The following CLYBL variants were observed in gnomAD, a reference collection of about 807,000 sequenced individuals.
CLYBL encodes the protein citramalyl-CoA lyase, also known as citramalyl-CoA lyase, mitochondrial.
In CLYBL, 31 loss-of-function variants were observed where a neutral mutation model predicts 38.9. The observed-to-expected ratio is 0.80, with a 90% CI of 0.60 to 1.08. The LOEUF (loss-of-function observed/expected upper bound fraction) is 1.08. Among genes scored for constraint, CLYBL ranks in the 50% least tolerant of loss-of-function variants. CLYBL has a pLI of 0.00. For missense variants in CLYBL, 434 were observed against 411.6 expected (o/e 1.05, Z -0.47); for synonymous variants, 171 against 158.6 (o/e 1.08, Z -0.59).
At chr13:99,894,063 A>T (rs749899983), downstream of CLYBL, 4 of 152,298 alleles carry the variant, frequency 2.6e-5, no homozygotes, top group Non-Finnish European at 4.4e-5. Flanking sequence ...CTGAACAGAG[A>T]CCCAAACGAC....
chr13:99,660,896 G>A (rs1213945048), intron 1 of CLYBL, among the ~76,000 whole-genome samples: 6 of 151,924 alleles, frequency 3.9e-5, no homozygotes, highest in Non-Finnish European at 7.4e-5. Flanking sequence ...GAATGCTTCC[G>A]ATTTTTTCCA....
intron 1 of CLYBL, among the ~76,000 whole-genome samples, chr13:99,697,995 A>T (rs2048006082): frequency 1.3e-5 from 2 of 152,168 alleles, no homozygotes; most frequent in Non-Finnish European, 2.9e-5. Context: ...CTGGGCCAAC[A>T]GGTATATTTG....
Position 99,608,061 on chromosome 13 carries a change from CTTTTTTTTTTTT to C in CLYBL, c.62+1318_62+1329del, listed in dbSNP as rs56149363. ...TGGCCGGCCTGGTGGTCTGGAACTT[CTTTTTTTTTTTT>C]TTTTTTTTTTTTTCCGAGATGGAGT... On this transcript the variant is annotated intron_variant, in intron 1 of 8. Coordinates refer to ENST00000339105, the MANE Select transcript of CLYBL (RefSeq NM_206808.5). Among the ~76,000 whole-genome samples, 3 of 75,026 alleles carry C rather than the reference CTTTTTTTTTTTT, an allele frequency of 4.0e-5. No individual in the cohort carries two copies. The East Asian group carries it at 1.7e-3, about 42-fold the overall frequency. The allele number at this position is 75,026 out of a possible 152,430, so 49.2% of individuals were successfully genotyped here.
intron 1 of CLYBL, among the ~76,000 whole-genome samples, chr13:99,639,774 G>A (rs148311541): frequency 0.012 from 1,813 of 152,288 alleles, 43 homozygotes; most frequent in African/African-American, 0.041. Flanking sequence ...GCATGTGTCT[G>A]TAGTCCCAGC....
At chr13:99,818,394 AGAT>A (rs2050502693) in intron 2 of CLYBL, among the ~76,000 whole-genome samples, 1 of 151,864 alleles carries the variant, frequency 6.6e-6, no homozygotes, top group African/African-American at 2.4e-5. Context: ...TACGGGTTAA[AGAT>A]GATAAAGCCA....
intron 1 of CLYBL, among the ~76,000 whole-genome samples, chr13:99,724,694 G>A (rs1333306626): frequency 2.6e-5 from 4 of 152,000 alleles, no homozygotes; most frequent in East Asian, 1.9e-4. Flanking sequence ...CGAGCAGAAC[G>A]CACCGAGTTA....
At chr13:99,824,574 C>T (rs68167387) in intron 2 of CLYBL, among the ~76,000 whole-genome samples, 60,118 of 151,918 alleles carry the variant, frequency 0.4, 12,083 homozygotes, top group East Asian at 0.53. Flanking sequence ...CAGCCTGCCT[C>T]TCCTCTTCTG....
intron 1 of CLYBL, among the ~76,000 whole-genome samples, chr13:99,636,914 G>A (rs1297507363): frequency 6.6e-6 from 1 of 151,816 alleles, no homozygotes; most frequent in Non-Finnish European, 1.5e-5. Context: ...TTACTCTCTC[G>A]CCCAGGTCGG....
chr13:99,616,409 A>C (rs2046711434), intron 1 of CLYBL, among the ~76,000 whole-genome samples: 1 of 152,092 alleles, frequency 6.6e-6, no homozygotes, highest in South Asian at 2.1e-4. Context: ...TAGCACATAT[A>C]TATTTGTATG....
chr13:99,746,403 T>C (rs2048852645), intron 1 of CLYBL, among the ~76,000 whole-genome samples: 1 of 151,236 alleles, frequency 6.6e-6, no homozygotes, highest in South Asian at 2.1e-4. Flanking sequence ...TAATGGAATC[T>C]CTAAATGGAA....
chr13:99,657,002 T>C (rs1037629650), intron 1 of CLYBL, among the ~76,000 whole-genome samples: 1 of 152,210 alleles, frequency 6.6e-6, no homozygotes, highest in African/African-American at 2.4e-5. Flanking sequence ...AATTAATTTC[T>C]ATATGTCAAC....
intron 2 of CLYBL, among the ~76,000 whole-genome samples, chr13:99,856,188 T>C (rs1223695999): frequency 6.6e-6 from 1 of 152,162 alleles, no homozygotes; most frequent in Non-Finnish European, 1.5e-5. Context: ...TAGATAAAAA[T>C]CAAACAGGTT....
At chr13:99,640,223 A>G (rs191056438) in intron 1 of CLYBL, among the ~76,000 whole-genome samples, 2 of 152,364 alleles carry the variant, frequency 1.3e-5, no homozygotes, top group South Asian at 2.1e-4. Context: ...AGATTGGACA[A>G]TTGCATACTT....
intron 1 of CLYBL, among the ~76,000 whole-genome samples, chr13:99,771,176 A>T (rs1267926839): frequency 6.6e-6 from 1 of 151,840 alleles, no homozygotes; most frequent in Non-Finnish European, 1.5e-5. Context: ...AGCTGTGACT[A>T]CAGGCATATG....
chr13:99,843,604 C>CTTTTTTT (rs60365803), intron 2 of CLYBL, among the ~76,000 whole-genome samples: 1 of 142,812 alleles, frequency 7.0e-6, no homozygotes. Context: ...AAAAATTAAT[C>CTTTTTTT]TTTTTTTTTT....
At chr13:99,766,518 G>A (rs2049270920) in intron 1 of CLYBL, among the ~76,000 whole-genome samples, 1 of 152,160 alleles carries the variant, frequency 6.6e-6, no homozygotes, top group Non-Finnish European at 1.5e-5. Context: ...CATTTAGAGT[G>A]AGTTGCTGGT....
intron 1 of CLYBL, among the ~76,000 whole-genome samples, chr13:99,717,362 G>A (rs905624543): frequency 7.1e-6 from 1 of 141,134 alleles, no homozygotes; most frequent in African/African-American, 2.6e-5. Context: ...GGAGGCAGAA[G>A]TTGCAGTGAG....
intron 1 of CLYBL, among the ~76,000 whole-genome samples, chr13:99,761,813 A>G (rs2049171778): frequency 6.6e-6 from 1 of 152,176 alleles, no homozygotes; most frequent in African/African-American, 2.4e-5. Flanking sequence ...CCTTTTCTCC[A>G]CATCCTCACC....
intron 6 of CLYBL, 76 bp downstream of exon 6, chr13:99,866,483 C>A (rs1376160155): frequency 1.6e-6 from 2 of 1,285,826 alleles, no homozygotes; most frequent in African/African-American, 1.5e-5. Flanking sequence ...CCCGAAAACA[C>A]CCCTAATCTC....
Sources: allele counts gnomAD v4.1 joint callset (sites outside exome capture counted in the v4.1 genomes callset), GRCh38; gene constraint gnomAD v4.1.1; transcripts MANE v1.5; gene names NCBI Gene and HGNC (gene_info 2026-07-23, HGNC 2026-07-21).